Variants in STX1B observed in about 807,000 individuals in gnomAD.
The protein encoded by STX1B is syntaxin 1B.
In STX1B, 7 loss-of-function variants were observed where a neutral mutation model predicts 39.4. The ratio of observed to expected loss-of-function variants is 0.18; its 90% CI spans 0.10 to 0.33. STX1B has a LOEUF of 0.33. Among genes scored for constraint, STX1B ranks in the 10% least tolerant of loss-of-function variants. The probability of loss-of-function intolerance (pLI) is 1.00; values close to 1 mark genes in which losing one functional copy is unlikely to be tolerated. For synonymous variants in STX1B, 136 were observed against 144.1 expected (o/e 0.94, Z 0.40); for missense variants, 198 against 383.2 (o/e 0.52, Z 4.04).
intron 1 of STX1B, among the ~76,000 whole-genome samples, chr16:31,008,940 T>C (rs1388989047): frequency 1.3e-5 from 2 of 152,156 alleles, no homozygotes; most frequent in East Asian, 3.8e-4. Context: ...TGAGTGAATA[T>C]GCATAAAACA....
At chr16:31,002,858 C>T (rs9926533) in intron 1 of STX1B, among the ~76,000 whole-genome samples, 58,462 of 152,122 alleles carry the variant, frequency 0.38, 12,176 homozygotes, top group East Asian at 0.89. Flanking sequence ...AGGATCCAAA[C>T]AGCATCCACC....
intron 4 of STX1B, among the ~76,000 whole-genome samples, chr16:30,999,737 G>A (rs937299750): frequency 2.6e-5 from 4 of 152,222 alleles, no homozygotes; most frequent in African/African-American, 4.8e-5. Flanking sequence ...CTGCTCAGGA[G>A]AGATGAGGAC....
intron 1 of STX1B, among the ~76,000 whole-genome samples, chr16:31,002,433 GC>G (rs35178168): frequency 0.012 from 1,871 of 151,004 alleles, 15 homozygotes; most frequent in Non-Finnish European, 0.021. Flanking sequence ...ACAGGAATAG[GC>G]CCCCCCGACA....
rs2056622942 is a variant in STX1B at position 31,000,861 on chromosome 16, A to G, written c.280+67T>C. ...CAATTGGCCCCGCCTCGCCCTCCCAAAGGCCTGAGCCACCATGCTCCACCC... is the reference window on the plus strand; with the variant it reads ...CAATTGGCCCCGCCTCGCCCTCCCAGAGGCCTGAGCCACCATGCTCCACCC... On this transcript the variant is annotated intron_variant, in intron 4 of 9. Transcript: ENST00000215095. 4 of 1,560,448 alleles carry G rather than the reference A, an allele frequency of 2.6e-6. No individual in the cohort carries two copies. In the South Asian group the frequency reaches 3.3e-5, roughly 13 times the overall value.
chr16:31,005,446 T>C (rs1179129955), intron 1 of STX1B, among the ~76,000 whole-genome samples: 1 of 150,400 alleles, frequency 6.6e-6, no homozygotes, highest in Non-Finnish European at 1.5e-5. Context: ...ACAAGTGCTT[T>C]GCATTTCTTT....
chr16:30,995,784 C>A (rs2056588682), intron 7 of STX1B, among the ~76,000 whole-genome samples: 1 of 152,170 alleles, frequency 6.6e-6, no homozygotes, highest in Admixed American at 6.5e-5. Context: ...AGCCACTGGG[C>A]CCGGCCAGCC....
intron 5 of STX1B, 42 bp downstream of exon 5, chr16:30,997,460 G>GC: frequency 1.9e-6 from 3 of 1,549,202 alleles, no homozygotes; most frequent in Non-Finnish European, 1.8e-6. Flanking sequence ...CTCCTCCCGA[G>GC]CTGGGTCCCG....
At chr16:31,002,655 C>G (rs1031715905) in intron 1 of STX1B, among the ~76,000 whole-genome samples, 1 of 152,202 alleles carries the variant, frequency 6.6e-6, no homozygotes, top group Non-Finnish European at 1.5e-5. Context: ...GTGCCCTGTG[C>G]TACACACACC....
At chr16:30,997,196 TC>T (rs2143669832) in intron 5 of STX1B, 137 bp from the exon 6 acceptor site, 2 of 679,146 alleles carry the variant, frequency 2.9e-6, no homozygotes, top group East Asian at 5.4e-5. Flanking sequence ...TAGTTTACGG[TC>T]CCTTCTTCAG....
intron 7 of STX1B, among the ~76,000 whole-genome samples, chr16:30,995,337 A>C (rs1017918678): frequency 9.9e-5 from 15 of 152,136 alleles, no homozygotes; most frequent in African/African-American, 3.1e-4. Flanking sequence ...AAAACTTTTA[A>C]GACAGTCATA....
At position 30,992,753 on chromosome 16, in the gene STX1B, G is replaced by C. The variant is rs1004867528; in HGVS notation, c.*68C>G. 14 of 962,540 alleles carry C rather than the reference G, an allele frequency of 1.5e-5. No homozygotes were observed. In the South Asian group the frequency reaches 1.7e-4, roughly 11 times the overall value. The allele number at this position is 962,540 out of a possible 1,614,324, so 59.6% of individuals were successfully genotyped here. On this transcript the variant is annotated 3_prime_UTR_variant, in exon 10 of 10. Transcript: ENST00000215095. ...GCCTGGAGCAGGGGATGGAGTGAAA[G>C]GGGTGGTGGGGGTATTGCTCCCGAT...
intron 4 of STX1B, among the ~76,000 whole-genome samples, chr16:31,000,061 G>A (rs1460060356): frequency 2.6e-5 from 4 of 151,178 alleles, no homozygotes; most frequent in Non-Finnish European, 4.4e-5. Flanking sequence ...GCAGTGGCGC[G>A]ATCTCGGCTC....
At chr16:31,004,120 AC>A (rs1205516772) in intron 1 of STX1B, among the ~76,000 whole-genome samples, 1 of 152,188 alleles carries the variant, frequency 6.6e-6, no homozygotes, top group East Asian at 1.9e-4. Flanking sequence ...TGTCCGGACA[AC>A]CTAGCAAAAC....
chr16:31,002,228 A>C (rs2056633915), intron 1 of STX1B, among the ~76,000 whole-genome samples: 1 of 145,540 alleles, frequency 6.9e-6, no homozygotes, highest in East Asian at 2.0e-4. Context: ...CAGTGGATTC[A>C]CTTGCTTTCA....
At chr16:31,002,210 C>G (rs946400476) in intron 1 of STX1B, among the ~76,000 whole-genome samples, 1 of 151,918 alleles carries the variant, frequency 6.6e-6, no homozygotes, top group Non-Finnish European at 1.5e-5. Context: ...CCAGCCGGCT[C>G]TCCCTCGCAG....
intron 4 of STX1B, among the ~76,000 whole-genome samples, chr16:31,000,716 TC>T (rs2056622218): frequency 1.3e-5 from 2 of 152,030 alleles, no homozygotes; most frequent in Non-Finnish European, 2.9e-5. Flanking sequence ...GGTCTTGAAC[TC>T]CGGACCTCGT....
intron 1 of STX1B, among the ~76,000 whole-genome samples, chr16:31,004,005 C>T (rs1043784883): frequency 3.3e-5 from 5 of 152,170 alleles, no homozygotes; most frequent in African/African-American, 4.8e-5. Context: ...CCTCAAAGAC[C>T]GCTGTTAGGC....
intron 1 of STX1B, among the ~76,000 whole-genome samples, chr16:31,005,667 A>G (rs1219840624): frequency 1.3e-5 from 2 of 151,952 alleles, no homozygotes; most frequent in African/African-American, 4.8e-5. Flanking sequence ...TTCTCACTGG[A>G]CAGATGAGGA....
At position 30,992,919 on chromosome 16, in the gene STX1B, G is replaced by A. The variant is rs892924583; in HGVS notation, c.787-18C>T. ...ATTTTCTTCTGCAGCAGAAAGAGGA[G>A]TGAGACAGGCAGACAGTGAGAGAGA... is the stretch of plus-strand genomic sequence containing the variant. On this transcript the variant is annotated intron_variant, in intron 9 of 9. Coordinates refer to ENST00000215095, the MANE Select transcript of STX1B (RefSeq NM_052874.5). 44 of 1,606,672 alleles carry A rather than the reference G, an allele frequency of 2.7e-5. No individual in the cohort carries two copies. Among genetic ancestry groups the A allele is most frequent in the Non-Finnish European group, 3.4e-5 (40 of 1,173,570 alleles).
Sources: allele counts gnomAD v4.1 joint callset (sites outside exome capture counted in the v4.1 genomes callset), GRCh38; gene constraint gnomAD v4.1.1; transcripts MANE v1.5; gene names NCBI Gene and HGNC (gene_info 2026-07-23, HGNC 2026-07-21).